Variants in WDFY2 observed in about 807,000 individuals in gnomAD.
WDFY2 encodes the protein WD repeat and FYVE domain-containing protein 2.
Under a neutral mutation model 56.4 loss-of-function variants are expected in WDFY2, and 36 were observed. The ratio of observed to expected loss-of-function variants is 0.64; its 90% CI spans 0.49 to 0.84. The LOEUF (loss-of-function observed/expected upper bound fraction) is 0.84, where lower values mean the gene tolerates loss of function less well. Ranked by LOEUF, WDFY2 falls within the 40% of genes least tolerant of loss-of-function variation. The pLI, the probability that WDFY2 is intolerant of heterozygous loss-of-function variation, is 0.00. For missense variants in WDFY2, 444 were observed against 512.2 expected (o/e 0.87, Z 1.29); for synonymous variants, 176 against 183.7 (o/e 0.96, Z 0.34).
intron 8 of WDFY2, among the ~76,000 whole-genome samples, chr13:51,751,673 C>T (rs1953241165): frequency 6.6e-6 from 1 of 151,762 alleles, no homozygotes; most frequent in Admixed American, 6.6e-5. Flanking sequence ...AGCAAAAGTA[C>T]AGGTGAGGAA....
intron 3 of WDFY2, among the ~76,000 whole-genome samples, chr13:51,688,623 A>G (rs1956100318): frequency 6.6e-6 from 1 of 152,164 alleles, no homozygotes; most frequent in Non-Finnish European, 1.5e-5. Flanking sequence ...TACAAACTCT[A>G]AAACTCCACA....
At chr13:51,716,015 G>A (rs1952338040) in intron 4 of WDFY2, among the ~76,000 whole-genome samples, 1 of 152,064 alleles carries the variant, frequency 6.6e-6, no homozygotes, top group Non-Finnish European at 1.5e-5. Context: ...TAAACAAAAT[G>A]TGATATATAT....
chr13:51,759,001 G>C (rs1198833243), intron 11 of WDFY2, among the ~76,000 whole-genome samples: 3 of 152,116 alleles, frequency 2.0e-5, no homozygotes, highest in Admixed American at 6.5e-5. Flanking sequence ...GGCCACCATA[G>C]TGTGACCCTG....
intron 1 of WDFY2, among the ~76,000 whole-genome samples, chr13:51,602,354 A>G (rs1401289342): frequency 6.6e-6 from 1 of 152,248 alleles, no homozygotes; most frequent in African/African-American, 2.4e-5. Flanking sequence ...CATTCAGTAC[A>G]GTAACATGTT....
At chr13:51,639,059 CT>C (rs537263437) in intron 1 of WDFY2, among the ~76,000 whole-genome samples, 90 of 152,164 alleles carry the variant, frequency 5.9e-4, no homozygotes, top group Admixed American at 3.7e-3. Context: ...TACATGTATG[CT>C]TTTTTTATTG....
Position 51,767,424 on chromosome 13 carries a change from A to AGAG in WDFY2, c.*7656_*7658dup, listed in dbSNP as rs1696241093. On this transcript the variant is annotated 3_prime_UTR_variant, in exon 12 of 12. Transcript: ENST00000298125. ...CTTGGCTGATGATGAGCCCTGGATCAGAGTGTCTCCAGGACCACTGAGAAG... is the reference window on the plus strand; with the variant it reads ...CTTGGCTGATGATGAGCCCTGGATCAGAGGAGTGTCTCCAGGACCACTGAGAAG... 1 of 152,222 alleles carries AGAG rather than the reference A, an allele frequency of 6.6e-6. No homozygotes were observed. Among genetic ancestry groups the AGAG allele is most frequent in the African/African-American group, 2.4e-5 (1 of 41,444 alleles). 9.4% of individuals were successfully genotyped at this position (152,222 alleles called of 1,614,324 possible).
chr13:51,675,436 CTGACAAGGTTCAGCT>C (rs1955870121), intron 3 of WDFY2, among the ~76,000 whole-genome samples, 193 bp downstream of exon 3: 1 of 152,168 alleles, frequency 6.6e-6, no homozygotes, highest in Admixed American at 6.5e-5. Context: ...CACTTAAATG[CTGACAAGGTTCAGCT>C]TGACCTACCC....
chr13:51,591,444 C>T (rs2057539933), intron 1 of WDFY2: 1 of 152,138 alleles, frequency 6.6e-6, no homozygotes, highest in South Asian at 2.1e-4. Flanking sequence ...GGTGGTTTGC[C>T]AGCAACCAAG....
intron 8 of WDFY2, among the ~76,000 whole-genome samples, chr13:51,753,412 T>G (rs1174088393): frequency 1.3e-5 from 2 of 152,226 alleles, no homozygotes; most frequent in African/African-American, 2.4e-5. Context: ...CATTTTTGTT[T>G]TGTTAACTTT....
chr13:51,698,490 G>T (rs1951920399), intron 3 of WDFY2, among the ~76,000 whole-genome samples: 1 of 152,102 alleles, frequency 6.6e-6, no homozygotes, highest in African/African-American at 2.4e-5. Flanking sequence ...AAAAATTCCA[G>T]ATAAAACTAA....
At chr13:51,626,101 C>T (rs938211478) in intron 1 of WDFY2, among the ~76,000 whole-genome samples, 4 of 152,192 alleles carry the variant, frequency 2.6e-5, no homozygotes, top group Non-Finnish European at 2.9e-5. Context: ...GAATGTTTCA[C>T]ATTTCACTTG....
intron 1 of WDFY2, among the ~76,000 whole-genome samples, chr13:51,611,321 T>A (rs1566312342): frequency 1.3e-5 from 2 of 152,226 alleles, no homozygotes; most frequent in South Asian, 4.1e-4. Context: ...AGTCACAGTT[T>A]TTCAAAACCT....
At chr13:51,653,094 TTG>T (rs1248260591) in intron 1 of WDFY2, among the ~76,000 whole-genome samples, 3 of 152,156 alleles carry the variant, frequency 2.0e-5, no homozygotes, top group South Asian at 2.1e-4. Context: ...CTTGGAGGCT[TTG>T]TTTGTTTCTT....
At chr13:51,639,501 TA>T (rs1707250656) in intron 1 of WDFY2, among the ~76,000 whole-genome samples, 1 of 152,208 alleles carries the variant, frequency 6.6e-6, no homozygotes, top group Non-Finnish European at 1.5e-5. Flanking sequence ...AGAGGAATGA[TA>T]TATCATTGTC....
chr13:51,713,139 C>T (rs1378374323), intron 4 of WDFY2, among the ~76,000 whole-genome samples: 1 of 152,094 alleles, frequency 6.6e-6, no homozygotes, highest in Non-Finnish European at 1.5e-5. Context: ...ATCAACATTA[C>T]CTCTTGTCAA....
intron 1 of WDFY2, among the ~76,000 whole-genome samples, chr13:51,657,012 A>ATTTAT (rs1404247902): frequency 6.6e-6 from 1 of 151,834 alleles, no homozygotes; most frequent in Non-Finnish European, 1.5e-5. Context: ...CCATTTCACT[A>ATTTAT]TTTATTTTTT....
chr13:51,756,302 A>G, intron 9 of WDFY2, 30 bp from the exon 10 acceptor site: 1 of 1,600,034 alleles, frequency 6.2e-7, no homozygotes, highest in Non-Finnish European at 8.5e-7. Context: ...GGGAGCCGTG[A>G]TGAGTATCTA....
intron 2 of WDFY2, among the ~76,000 whole-genome samples, chr13:51,670,031 G>A (rs1361081198): frequency 6.6e-5 from 10 of 152,100 alleles, no homozygotes; most frequent in Non-Finnish European, 2.9e-5. Flanking sequence ...TTTTAAGGTG[G>A]GGGAATAGAC....
At chr13:51,688,827 T>A (rs770133620) in intron 3 of WDFY2, among the ~76,000 whole-genome samples, 2 of 152,230 alleles carry the variant, frequency 1.3e-5, no homozygotes, top group African/African-American at 2.4e-5. Context: ...TTTTTTCTTT[T>A]TAAAAATAAA....
Sources: allele counts gnomAD v4.1 joint callset (sites outside exome capture counted in the v4.1 genomes callset), GRCh38; gene constraint gnomAD v4.1.1; transcripts MANE v1.5; gene names NCBI Gene and HGNC (gene_info 2026-07-23, HGNC 2026-07-21).